The following PMEPA1 variants were observed in gnomAD, a reference collection of about 807,000 sequenced individuals.
PMEPA1 encodes prostate transmembrane protein, androgen induced 1.
Under a neutral mutation model 23.0 loss-of-function variants are expected in PMEPA1, and 11 were observed. That is an observed-to-expected ratio of 0.48 (90% confidence interval 0.30 to 0.79). The LOEUF (loss-of-function observed/expected upper bound fraction) is 0.79, where lower values mean the gene tolerates loss of function less well. Among genes scored for constraint, PMEPA1 ranks in the 30% least tolerant of loss-of-function variants. The probability of loss-of-function intolerance (pLI) is 0.06; values close to 1 mark genes in which losing one functional copy is unlikely to be tolerated. For synonymous variants in PMEPA1, 204 were observed against 166.4 expected, an observed-to-expected ratio of 1.23 and a Z score of -1.74; for missense variants, 377 against 390.9, an observed-to-expected ratio of 0.96 and a Z score of 0.30.
At chr20:57,671,831 C>T (rs1009778876) in intron 1 of PMEPA1, among the ~76,000 whole-genome samples, 5 of 152,190 alleles carry the variant, frequency 3.3e-5, no homozygotes, top group Admixed American at 3.3e-4. Flanking sequence ...ACCATCAATC[C>T]CCATTGCGAC....
chr20:57,697,239 A>G (rs1163985421), intron 1 of PMEPA1, among the ~76,000 whole-genome samples: 1 of 152,224 alleles, frequency 6.6e-6, no homozygotes, highest in Admixed American at 6.5e-5. Flanking sequence ...CATAAGGATC[A>G]TCCACAACCC....
chr20:57,653,377 C>T (rs866648997), intron 2 of PMEPA1, among the ~76,000 whole-genome samples: 2 of 152,196 alleles, frequency 1.3e-5, no homozygotes, highest in Non-Finnish European at 2.9e-5. Flanking sequence ...TCAAAGCTGC[C>T]TGTAGCTTCC....
intron 1 of PMEPA1, among the ~76,000 whole-genome samples, chr20:57,680,493 G>T (rs890248502): frequency 1.3e-5 from 2 of 152,208 alleles, no homozygotes; most frequent in African/African-American, 4.8e-5. Context: ...CCACAGAAAA[G>T]AATTATTGAG....
chr20:57,705,878 C>T (rs1015141492), intron 1 of PMEPA1, among the ~76,000 whole-genome samples: 5 of 152,122 alleles, frequency 3.3e-5, no homozygotes, highest in South Asian at 2.1e-4. Flanking sequence ...GAGCACAGGA[C>T]GGCCTTTCCT....
intron 1 of PMEPA1, among the ~76,000 whole-genome samples, chr20:57,698,488 C>T (rs900923695): frequency 6.6e-6 from 1 of 152,166 alleles, no homozygotes; most frequent in South Asian, 2.1e-4. Flanking sequence ...TTCCGCAAGA[C>T]CAAACCTTTG....
At position 57,656,606 on chromosome 20, in the gene PMEPA1, C is replaced by A. The variant is rs113348016; in HGVS notation, c.264+2937G>T. Among the ~76,000 whole-genome samples the A allele has an allele frequency of 2.0e-5, 3 of 152,120 alleles. No homozygotes were observed. Among genetic ancestry groups the A allele is most frequent in the African/African-American group, 4.8e-5 (2 of 41,434 alleles). On this transcript the variant is annotated intron_variant, in intron 2 of 3. Coordinates refer to ENST00000341744, the MANE Select transcript of PMEPA1 (RefSeq NM_020182.5). This position sits in a 1 kb window ranked among gnomAD's most constrained non-coding sequence, Gnocchi z 4.7. ...CCAGGGTGGAAGTGCCATCCCTGGT[C>A]GAGGGGCTTGCCTGCACTGGAGCCT...
At chr20:57,661,827 C>A (rs1262633130) in intron 1 of PMEPA1, among the ~76,000 whole-genome samples, 1 of 152,224 alleles carries the variant, frequency 6.6e-6, no homozygotes, top group Non-Finnish European at 1.5e-5. Context: ...CGCCTCTCCA[C>A]ACAGAAGCAC....
intron 1 of PMEPA1, among the ~76,000 whole-genome samples, chr20:57,666,581 G>A (rs1320007951): frequency 6.6e-6 from 1 of 152,196 alleles, no homozygotes; most frequent in East Asian, 1.9e-4. Flanking sequence ...AGAAACAGCG[G>A]GAGATTGAGC....
At position 57,709,456 on chromosome 20, in the gene PMEPA1, G is replaced by C; in HGVS notation, c.109+18C>G. 1 of 1,102,622 alleles carries C rather than the reference G, an allele frequency of 9.1e-7. No homozygotes were observed. The highest frequency in any genetic ancestry group is 1.7e-5 in the African/African-American group (1 of 59,786). 68.3% of individuals were successfully genotyped at this position (1,102,622 alleles called of 1,614,324 possible). On this transcript the variant is annotated intron_variant, in intron 1 of 3. Transcript: ENST00000341744. ...AGCCCGATGGAGTCTCCGGGGAGGG[G>C]GGCGTGGGGTCACTCACTGATCTCC... is the stretch of plus-strand genomic sequence containing the variant.
chr20:57,677,483 C>A (rs1478175361), intron 1 of PMEPA1, among the ~76,000 whole-genome samples: 2 of 152,200 alleles, frequency 1.3e-5, no homozygotes, highest in African/African-American at 2.4e-5. Context: ...TAACACCACA[C>A]CTGACACAAG....
intron 1 of PMEPA1, among the ~76,000 whole-genome samples, chr20:57,695,120 G>A (rs995831048): frequency 2.0e-5 from 3 of 152,274 alleles, no homozygotes; most frequent in South Asian, 2.1e-4. Flanking sequence ...CAGCCTCGGC[G>A]TTTGCCGCCT....
At position 57,682,569 on chromosome 20, in the gene PMEPA1, C is replaced by T. The variant is rs2071733843; in HGVS notation, c.110-22872G>A. 6.6e-6 allele frequency among the ~76,000 whole-genome samples: 1 copy of T among 152,140 alleles called. No homozygotes were observed. Among genetic ancestry groups the T allele is most frequent in the South Asian group, 2.1e-4 (1 of 4,818 alleles). On this transcript the variant is annotated intron_variant, in intron 1 of 3. Coordinates refer to ENST00000341744, the MANE Select transcript of PMEPA1 (RefSeq NM_020182.5). The surrounding 1 kb of genome is among the most constrained non-coding windows in gnomAD (Gnocchi z 4.4). ...GCTACAGAGCAGGCTCCCGTGCCCA[C>T]CGCCCCACACCTGGAAGACGAAAGG...
intron 1 of PMEPA1, among the ~76,000 whole-genome samples, chr20:57,675,343 G>A (rs184426192): frequency 7.2e-4 from 110 of 152,228 alleles, no homozygotes; most frequent in Non-Finnish European, 1.4e-3. Context: ...CCCCTCCACC[G>A]GCAGCCATGC....
chr20:57,708,043 T>G (rs2072112043), intron 1 of PMEPA1, among the ~76,000 whole-genome samples: 1 of 150,022 alleles, frequency 6.7e-6, no homozygotes, highest in African/African-American at 2.5e-5. Flanking sequence ...TGGGAGGGAG[T>G]GTGGAGAGGT....
intron 1 of PMEPA1, among the ~76,000 whole-genome samples, chr20:57,663,552 C>A (rs1475008894): frequency 6.6e-6 from 1 of 152,214 alleles, no homozygotes; most frequent in Non-Finnish European, 1.5e-5. Flanking sequence ...ACAAGGGTGG[C>A]CCAAACCCAT....
intron 1 of PMEPA1, chr20:57,700,226 A>T: frequency 2.2e-6 from 1 of 460,190 alleles, no homozygotes; most frequent in South Asian, 1.6e-5. Flanking sequence ...CCACTGACAG[A>T]CCCCTCCACA....
intron 1 of PMEPA1, among the ~76,000 whole-genome samples, chr20:57,703,257 G>A (rs1207605731): frequency 6.6e-6 from 1 of 152,254 alleles, no homozygotes; most frequent in Non-Finnish European, 1.5e-5. Flanking sequence ...GTTGATGGGG[G>A]TGGGGGACAT....
intron 1 of PMEPA1, among the ~76,000 whole-genome samples, chr20:57,702,811 T>C (rs991261794): frequency 9.9e-5 from 15 of 152,228 alleles, no homozygotes; most frequent in African/African-American, 1.7e-4. Context: ...CACTAATACC[T>C]GGCACATAAT....
Position 57,709,626 on chromosome 20 carries a change from C to A in PMEPA1, c.-44G>T, listed in dbSNP as rs1235076296. 6 of 278,824 alleles carry A rather than the reference C, an allele frequency of 2.2e-5. No homozygotes were observed. In the Admixed American group the frequency reaches 2.4e-4, roughly 11 times the overall value. The allele number at this position is 278,824 out of a possible 1,614,324, so 17.3% of individuals were successfully genotyped here. A position where few individuals can be genotyped will look rare whatever the true frequency, so the allele number is the denominator to read the frequency against. On this transcript the variant is annotated 5_prime_UTR_variant, in exon 1 of 4. Coordinates refer to ENST00000341744, the MANE Select transcript of PMEPA1 (RefSeq NM_020182.5). ...GCGCGGGGCGCGGGGGGCTCGGGGG[C>A]GGCCGGGGGGGGCTCCGGCCGGCGC...
Sources: gnomAD v4.1 joint callset for allele counts (sites outside exome capture counted in the v4.1 genomes callset) on GRCh38, gnomAD v4.1.1 for gene constraint, Gnocchi (gnomAD v3.1) non-coding constraint, MANE v1.5 for transcripts, NCBI Gene and HGNC (gene_info 2026-07-23, HGNC 2026-07-21) for gene names.